MECOM: variants seen among roughly 807,000 people sequenced by gnomAD.
MECOM encodes the protein histone-lysine N-methyltransferase MECOM.
In MECOM, 13 loss-of-function variants were observed where a neutral mutation model predicts 116.3. The ratio of observed to expected loss-of-function variants is 0.11; its 90% CI spans 0.07 to 0.18. The LOEUF is 0.18. Among genes scored for constraint, MECOM ranks in the 10% least tolerant of loss-of-function variants. The pLI, the probability that MECOM is intolerant of heterozygous loss-of-function variation, is 1.00. For synonymous variants in MECOM, 528 were observed against 535.2 expected, an observed-to-expected ratio of 0.99 and a Z score of 0.19; for missense variants, 1,299 against 1,509.0, an observed-to-expected ratio of 0.86 and a Z score of 2.31.
At chr3:169,221,214 CA>C (rs920133037) in intron 2 of MECOM, among the ~76,000 whole-genome samples, 8 of 152,124 alleles carry the variant, frequency 5.3e-5, no homozygotes, top group Admixed American at 3.9e-4. Flanking sequence ...ATTTTTGAAA[CA>C]ATATGCAGTA....
intron 1 of MECOM, among the ~76,000 whole-genome samples, chr3:169,607,205 T>A (rs575837888): frequency 6.6e-6 from 1 of 152,348 alleles, no homozygotes; most frequent in African/African-American, 2.4e-5. Context: ...GTGGCCAAGG[T>A]AGAATTCAAA....
chr3:169,335,127 T>C (rs1299453097), intron 2 of MECOM, among the ~76,000 whole-genome samples: 1 of 152,142 alleles, frequency 6.6e-6, no homozygotes, highest in Non-Finnish European at 1.5e-5. Flanking sequence ...TATTTTTCAC[T>C]ATGAATGTTG....
At chr3:169,379,375 G>A (rs1732024060) in intron 2 of MECOM, among the ~76,000 whole-genome samples, 2 of 151,750 alleles carry the variant, frequency 1.3e-5, no homozygotes, top group East Asian at 1.9e-4. Flanking sequence ...GAGGAGAAAG[G>A]GAATATGTGA....
chr3:169,213,166 GA>G (rs1750995165), intron 2 of MECOM, among the ~76,000 whole-genome samples: 1 of 151,824 alleles, frequency 6.6e-6, no homozygotes, highest in Non-Finnish European at 1.5e-5. Context: ...GAAGCTCCAT[GA>G]GGGCAAAAAT....
intron 1 of MECOM, among the ~76,000 whole-genome samples, chr3:169,533,591 T>TTTTTTTTTTTTTTTTTTTTTTAC (rs55667588): frequency 7.6e-6 from 1 of 132,246 alleles, no homozygotes. Context: ...TTTTTTTTTT[T>TTTTTTTTTTTTTTTTTTTTTTAC]ATTTCCTTAT....
intron 1 of MECOM, among the ~76,000 whole-genome samples, chr3:169,481,715 A>C (rs1260692661): frequency 2.0e-5 from 3 of 151,910 alleles, no homozygotes; most frequent in Non-Finnish European, 4.4e-5. Context: ...AGCTTGTTGG[A>C]CATTTCCCTA....
chr3:169,340,580 T>C (rs1560151576), intron 2 of MECOM, among the ~76,000 whole-genome samples: 2 of 152,236 alleles, frequency 1.3e-5, no homozygotes, highest in Admixed American at 1.3e-4. Context: ...GCTTTTGATA[T>C]TATGATCATC....
intron 1 of MECOM, among the ~76,000 whole-genome samples, chr3:169,390,597 A>G (rs555618459): frequency 6.6e-6 from 1 of 152,318 alleles, no homozygotes; most frequent in Non-Finnish European, 1.5e-5. Context: ...AAAGGTGGGC[A>G]GAGACATGAG....
At chr3:169,299,328 T>G (rs764580509) in intron 2 of MECOM, among the ~76,000 whole-genome samples, 5 of 152,120 alleles carry the variant, frequency 3.3e-5, no homozygotes, top group Non-Finnish European at 5.9e-5. Context: ...CCCCACCCAG[T>G]GCACACCCAC....
chr3:169,428,906 G>A (rs1741155017), intron 1 of MECOM, among the ~76,000 whole-genome samples: 1 of 152,128 alleles, frequency 6.6e-6, no homozygotes, highest in Admixed American at 6.6e-5. Flanking sequence ...AAAGAAAGGT[G>A]CAAAGAAAAT....
intron 1 of MECOM, among the ~76,000 whole-genome samples, chr3:169,479,188 A>C (rs1426509586): frequency 6.6e-6 from 1 of 152,106 alleles, no homozygotes; most frequent in Non-Finnish European, 1.5e-5. Flanking sequence ...CAGCAAATCT[A>C]ACATACGCTA....
intron 2 of MECOM, among the ~76,000 whole-genome samples, chr3:169,339,960 G>C (rs1308455305): frequency 6.6e-6 from 1 of 152,144 alleles, no homozygotes; most frequent in Non-Finnish European, 1.5e-5. Context: ...TAGGATGTAA[G>C]AGGAAGAACA....
intron 1 of MECOM, among the ~76,000 whole-genome samples, chr3:169,576,832 C>CAGAGAG (rs1200979108): frequency 1.0e-3 from 105 of 102,038 alleles, no homozygotes; most frequent in African/African-American, 2.9e-3. Context: ...CACACACACA[C>CAGAGAG]ACACACAGAG....
intron 2 of MECOM, among the ~76,000 whole-genome samples, chr3:169,275,128 C>T (rs893210670): frequency 6.6e-6 from 1 of 152,086 alleles, no homozygotes; most frequent in Non-Finnish European, 1.5e-5. Context: ...GTGTGTGTTT[C>T]CCCTCTGAGT....
At chr3:169,145,139 A>C (rs1161448794) in intron 2 of MECOM, 1 of 693,620 alleles carries the variant, frequency 1.4e-6, no homozygotes, top group Non-Finnish European at 2.4e-6. Flanking sequence ...TAGGGATATT[A>C]TTAAACACAC....
intron 1 of MECOM, among the ~76,000 whole-genome samples, chr3:169,536,176 A>C (rs558978697): frequency 1.3e-5 from 2 of 152,148 alleles, no homozygotes; most frequent in African/African-American, 4.8e-5. Context: ...ACCAGACAGC[A>C]ATTTCCAGAG....
At chr3:169,450,386 G>T (rs1745350941) in intron 1 of MECOM, among the ~76,000 whole-genome samples, 1 of 152,130 alleles carries the variant, frequency 6.6e-6, no homozygotes, top group Admixed American at 6.5e-5. Flanking sequence ...GCTTCCAAAA[G>T]TTCTTGTTAT....
chr3:169,310,890 A>G (rs747048537), intron 2 of MECOM, among the ~76,000 whole-genome samples: 2 of 152,200 alleles, frequency 1.3e-5, no homozygotes, highest in Admixed American at 6.5e-5. Flanking sequence ...GCTTCTTTAC[A>G]TGACCTGCAG....
Position 169,272,142 on chromosome 3 carries a change from C to T in MECOM, c.375+109045G>A, listed in dbSNP as rs1759023976. Among the ~76,000 whole-genome samples the T allele has an allele frequency of 2.6e-5, 4 of 152,318 alleles. No individual in the cohort carries two copies. In the South Asian group the frequency reaches 8.3e-4, roughly 32 times the overall value. On this transcript the variant is annotated intron_variant, in intron 2 of 16. Transcript: ENST00000651503. ...ATCTTCGCTTATTTTACCCAGCTTG[C>T]ACTTAGTCTTGGAAGATTAACCCTT...
Sources: allele counts gnomAD v4.1 joint callset (sites outside exome capture counted in the v4.1 genomes callset), GRCh38; gene constraint gnomAD v4.1.1; transcripts MANE v1.5; gene names NCBI Gene and HGNC (gene_info 2026-07-23, HGNC 2026-07-21).